Variants in DAB1 observed in about 807,000 individuals in gnomAD.
DAB1 encodes the protein disabled homolog 1.
DAB1 carries 15 observed loss-of-function variants against 64.6 expected under a neutral mutation model. The ratio of observed to expected loss-of-function variants is 0.23; its 90% CI spans 0.16 to 0.36. The LOEUF (loss-of-function observed/expected upper bound fraction) is 0.36. DAB1 is among the 10% of genes least tolerant of loss of function. DAB1 has a pLI of 1.00. For synonymous variants in DAB1, 235 were observed against 251.9 expected, an observed-to-expected ratio of 0.93 and a Z score of 0.64; for missense variants, 596 against 706.7, an observed-to-expected ratio of 0.84 and a Z score of 1.78.
intron 3 of DAB1, among the ~76,000 whole-genome samples, chr1:58,405,936 T>A (rs1464182180): frequency 6.6e-6 from 1 of 152,206 alleles, no homozygotes; most frequent in Non-Finnish European, 1.5e-5. Context: ...ATAGGCCATG[T>A]CTCAGGAGAC....
chr1:57,202,289 A>C (rs1665166948), intron 2 of DAB1, among the ~76,000 whole-genome samples: 1 of 152,184 alleles, frequency 6.6e-6, no homozygotes, highest in Non-Finnish European at 1.5e-5. Flanking sequence ...CATACATAAA[A>C]ATACAAGGGG....
chr1:57,504,869 C>T (rs1446483466), intron 7 of DAB1, among the ~76,000 whole-genome samples: 1 of 152,136 alleles, frequency 6.6e-6, no homozygotes, highest in African/African-American at 2.4e-5. Flanking sequence ...ATAAAAATAT[C>T]AGACATCCCA....
chr1:57,708,675 G>A (rs1261543851), intron 6 of DAB1, among the ~76,000 whole-genome samples: 2 of 152,192 alleles, frequency 1.3e-5, no homozygotes, highest in Non-Finnish European at 2.9e-5. Flanking sequence ...CTCCTGTCCT[G>A]GGTGCCAGCA....
chr1:57,168,128 A>G (rs1661379044), intron 2 of DAB1, among the ~76,000 whole-genome samples: 1 of 152,184 alleles, frequency 6.6e-6, no homozygotes, highest in Non-Finnish European at 1.5e-5. Context: ...TTACAATTCC[A>G]TCTTCCTCCA....
At chr1:57,077,560 A>C (rs145011556) in intron 4 of DAB1, among the ~76,000 whole-genome samples, 87 of 152,352 alleles carry the variant, frequency 5.7e-4, no homozygotes, top group African/African-American at 1.9e-3. Flanking sequence ...CACAGGATTC[A>C]TTCTGTGAAC....
intron 6 of DAB1, among the ~76,000 whole-genome samples, chr1:57,653,310 T>C (rs1646277835): frequency 6.6e-6 from 1 of 152,236 alleles, no homozygotes; most frequent in Non-Finnish European, 1.5e-5. Flanking sequence ...CTGGTTTGCA[T>C]GTTTTAAAAC....
intron 1 of DAB1, among the ~76,000 whole-genome samples, chr1:57,388,159 C>G (rs150170315): frequency 2.3e-4 from 35 of 152,306 alleles, no homozygotes; most frequent in Non-Finnish European, 4.1e-4. Context: ...CTTCTGCACT[C>G]GCAAATGTGA....
intron 1 of DAB1, among the ~76,000 whole-genome samples, chr1:57,407,258 C>G (rs1432072156): frequency 6.6e-6 from 1 of 152,128 alleles, no homozygotes; most frequent in Non-Finnish European, 1.5e-5. Context: ...TAGAGACCAC[C>G]AAGGTCACAG....
intron 2 of DAB1, among the ~76,000 whole-genome samples, chr1:58,525,618 C>T (rs1166497252): frequency 2.6e-5 from 4 of 152,010 alleles, no homozygotes; most frequent in Non-Finnish European, 5.9e-5. Flanking sequence ...AGAATCAATA[C>T]TACAGACACT....
intron 5 of DAB1, among the ~76,000 whole-genome samples, chr1:57,996,398 T>C (rs532120810): frequency 7.9e-5 from 12 of 152,306 alleles, no homozygotes; most frequent in African/African-American, 2.9e-4. Flanking sequence ...ATCCCATAAG[T>C]AACAAGGTAG....
intron 1 of DAB1, among the ~76,000 whole-genome samples, chr1:57,311,112 G>A (rs1444981927): frequency 1.3e-5 from 2 of 152,136 alleles, no homozygotes; most frequent in Admixed American, 1.3e-4. Context: ...GCTCCAATTT[G>A]TTCATTTGAT....
intron 4 of DAB1, among the ~76,000 whole-genome samples, chr1:57,092,928 A>AT (rs1323783691): frequency 1.3e-5 from 2 of 152,222 alleles, no homozygotes; most frequent in Non-Finnish European, 2.9e-5. Context: ...TAGGCAAAAA[A>AT]TGTAGTCCAT....
At chr1:57,476,453 T>G (rs962939085) in intron 7 of DAB1, among the ~76,000 whole-genome samples, 4 of 152,088 alleles carry the variant, frequency 2.6e-5, no homozygotes, top group African/African-American at 9.7e-5. Context: ...CTACTAAAAT[T>G]TATTAATAAA....
chr1:57,823,966 C>T (rs1427633543), downstream of DAB1, among the ~76,000 whole-genome samples: 4 of 152,130 alleles, frequency 2.6e-5, no homozygotes, highest in Non-Finnish European at 1.5e-5. Flanking sequence ...TGCTGTCCAG[C>T]CAGTTGGTGA....
intron 6 of DAB1, among the ~76,000 whole-genome samples, chr1:57,810,268 G>T (rs1651555838): frequency 6.6e-6 from 1 of 152,146 alleles, no homozygotes; most frequent in African/African-American, 2.4e-5. Context: ...AGAGAAGAGG[G>T]CCTATTGCCT....
chr1:57,003,213 C>A (rs565496304), intron 14 of DAB1, among the ~76,000 whole-genome samples: 1 of 152,356 alleles, frequency 6.6e-6, no homozygotes, highest in South Asian at 2.1e-4. Flanking sequence ...CCACCGTTTG[C>A]AGACTACTCC....
intron 7 of DAB1, among the ~76,000 whole-genome samples, chr1:57,464,391 C>A (rs546089297): frequency 2.0e-5 from 3 of 152,144 alleles, no homozygotes; most frequent in Non-Finnish European, 4.4e-5. Context: ...ATTTAAAAAT[C>A]GCTTTCTCAA....
chr1:58,247,120 G>A (rs372652939), intron 4 of DAB1, among the ~76,000 whole-genome samples: 3 of 152,264 alleles, frequency 2.0e-5, no homozygotes, highest in African/African-American at 7.2e-5. Flanking sequence ...CTGGAGGCCA[G>A]GAGATGAGCT....
chr1:58,439,931 G>C (rs114063135), intron 3 of DAB1, among the ~76,000 whole-genome samples: 4,057 of 152,256 alleles, frequency 0.027, 182 homozygotes, highest in African/African-American at 0.093. Context: ...GGAAGCTTCT[G>C]CCAGTCCAGC....
Sources: gnomAD v4.1 joint callset for allele counts (sites outside exome capture counted in the v4.1 genomes callset) on GRCh38, gnomAD v4.1.1 for gene constraint, MANE v1.5 for transcripts, NCBI Gene and HGNC (gene_info 2026-07-23, HGNC 2026-07-21) for gene names.